The following LSS variants were observed in gnomAD, a reference collection of about 807,000 sequenced individuals.
The protein encoded by LSS is 2,3-epoxysqualene-lanosterol cyclase.
In LSS, 90 loss-of-function variants were observed where a neutral mutation model predicts 110.3. That is an observed-to-expected ratio of 0.82 (90% confidence interval 0.69 to 0.97). The LOEUF (loss-of-function observed/expected upper bound fraction) is 0.97. LSS is among the 50% of genes least tolerant of loss of function. The probability of loss-of-function intolerance (pLI) is 0.00; values close to 1 mark genes in which losing one functional copy is unlikely to be tolerated. For missense variants in LSS, 927 were observed against 990.0 expected (o/e 0.94, Z 0.85); for synonymous variants, 433 against 400.0 (o/e 1.08, Z -0.98).
Position 46,206,625 on chromosome 21 carries a change from C to T in LSS, c.1564+47G>A, listed in dbSNP as rs777090022. The T allele has an allele frequency of 1.1e-4, 168 of 1,523,082 alleles. 2 individuals carry two copies. In the South Asian group the frequency reaches 1.8e-3, roughly 16 times the overall value. 94.3% of individuals were successfully genotyped at this position (1,523,082 alleles called of 1,614,324 possible). A position where few individuals can be genotyped will look rare whatever the true frequency, so the allele number is the denominator to read the frequency against. On this transcript the variant is annotated intron_variant, in intron 16 of 21. Coordinates refer to ENST00000397728, the MANE Select transcript of LSS (RefSeq NM_002340.6). ...GCCCCCAGGTTTGTGTACCACAGTG[C>T]TAGCCAGCCCCGGGTTTGCGCGCCG...
chr21:46,192,593 T>C (rs2079835329), intron 20 of LSS: 1 of 295,684 alleles, frequency 3.4e-6, no homozygotes, highest in Non-Finnish European at 6.5e-6. Context: ...TCCATGTACG[T>C]ATGTCTGTGT....
At chr21:46,192,797 CCTG>C in intron 20 of LSS, 1 of 439,338 alleles carries the variant, frequency 2.3e-6, no homozygotes, top group South Asian at 1.6e-5. Context: ...TGTGCATAGA[CCTG>C]TGTGTACATC....
intron 20 of LSS, chr21:46,192,734 T>C (rs1684152312): frequency 2.2e-6 from 1 of 454,452 alleles, no homozygotes; most frequent in South Asian, 1.5e-5. Flanking sequence ...ACAGATGGGA[T>C]ACTGCGGGTG....
In LSS at chr21:46,195,704, C is replaced by A; in HGVS notation, c.1789G>T (p.Ala597Ser). ...YGTWFGLEAF[A>S]CMGQTYRDGT... is the part of the protein sequence containing the mutation. The stretch of plus-strand genomic sequence containing the variant: ...TCTCGGTAGGTCTGCCCCATACAGG[C>A]GAAGGCCTCCAGGCCAAACCAGGTG... The change falls in exon 19 of 22, where the codon GCC becomes TCC. Residue 597 changes from alanine (A) to serine (S), a missense_variant. Transcript: ENST00000397728. The A allele has an allele frequency of 6.2e-7, 1 of 1,613,712 alleles. No individual in the cohort carries two copies. The highest frequency in any genetic ancestry group is 8.5e-7 in the Non-Finnish European group (1 of 1,179,990).
Position 46,208,243 on chromosome 21 carries a change from C to T in LSS, c.1317+8G>A. 6.4e-7 allele frequency: 1 copy of T among 1,551,976 alleles called. No individual in the cohort carries two copies. The highest frequency in any genetic ancestry group is 1.2e-5 in the South Asian group (1 of 84,066). ...GACGGGACAGGGATGGGGCTGGCTC[C>T]CGCATACCTTGCGCATCTGGCGGTA... is the stretch of plus-strand genomic sequence containing the variant. On this transcript the variant is annotated splice_region_variant and intron_variant, in intron 14 of 21. Transcript: ENST00000397728.
intron 17 of LSS, among the ~76,000 whole-genome samples, chr21:46,205,297 G>A (rs1019525592): frequency 1.8e-5 from 1 of 56,526 alleles, no homozygotes; most frequent in Non-Finnish European, 3.5e-5. Context: ...GCGAGCAGGA[G>A]AGCAGGAGAG....
rs572779568 is a variant in LSS at position 46,190,142 on chromosome 21, A to G, written c.*962T>C. ...CTGCCAGCCAGCCCAGGGAGTGGTG[A>G]TGGGCTGGGTGCTGGCTGTCCCTGC... On this transcript the variant is annotated 3_prime_UTR_variant, in exon 22 of 22. Coordinates refer to ENST00000397728, the MANE Select transcript of LSS (RefSeq NM_002340.6). This position sits in a 1 kb window ranked among gnomAD's most constrained non-coding sequence, Gnocchi z 4.6. 41 of 227,102 alleles carry G rather than the reference A, an allele frequency of 1.8e-4. No homozygotes were observed. The highest frequency in any genetic ancestry group is 3.1e-4 in the South Asian group (6 of 19,586). The allele number at this position is 227,102 out of a possible 1,614,324, so 14.1% of individuals were successfully genotyped here. A position where few individuals can be genotyped will look rare whatever the true frequency, so the allele number is the denominator to read the frequency against.
chr21:46,202,868 C>T (rs1030549037), intron 17 of LSS, among the ~76,000 whole-genome samples: 2 of 152,162 alleles, frequency 1.3e-5, no homozygotes, highest in African/African-American at 4.8e-5. Flanking sequence ...CAGAGTGAGA[C>T]CCTGCTTCAA....
chr21:46,208,783 A>G (rs2080088305), intron 13 of LSS, among the ~76,000 whole-genome samples: 1 of 152,210 alleles, frequency 6.6e-6, no homozygotes, highest in Non-Finnish European at 1.5e-5. Context: ...AGGAGGCAGG[A>G]GCAGGAGCAG....
chr21:46,225,370 T>C (rs1231022426), intron 3 of LSS: 3 of 452,966 alleles, frequency 6.6e-6, no homozygotes, highest in Non-Finnish European at 1.3e-5. Flanking sequence ...AGAGGCCCGT[T>C]GCCAAGCGGA....
intron 15 of LSS, among the ~76,000 whole-genome samples, chr21:46,207,191 C>A (rs1408116413): frequency 6.6e-6 from 1 of 152,368 alleles, no homozygotes; most frequent in South Asian, 2.1e-4. Context: ...CCCCAAGTAT[C>A]GGTGGCTGGG....
chr21:46,208,242 C>A lies in LSS; in HGVS notation c.1317+9G>T. 2 of 1,551,938 alleles carry A rather than the reference C, an allele frequency of 1.3e-6. No individual in the cohort carries two copies. Among genetic ancestry groups the A allele is most frequent in the Non-Finnish European group, 1.7e-6 (2 of 1,147,132 alleles). On this transcript the variant is annotated intron_variant, in intron 14 of 21. Coordinates refer to ENST00000397728, the MANE Select transcript of LSS (RefSeq NM_002340.6). ...GGACGGGACAGGGATGGGGCTGGCT[C>A]CCGCATACCTTGCGCATCTGGCGGT...
rs778635433 is a variant in LSS at position 46,216,560 on chromosome 21, G to T, written c.648-36C>A. ...AGCAGGAGTCAGTGGGAGACCCCAA[G>T]ACTCAAGCCTGCCCCCTCCGCCAGC... On this transcript the variant is annotated intron_variant, in intron 6 of 21. Coordinates refer to ENST00000397728, the MANE Select transcript of LSS (RefSeq NM_002340.6). The surrounding 1 kb of genome is among the most constrained non-coding windows in gnomAD (Gnocchi z 4.2). The T allele has an allele frequency of 6.5e-7, 1 of 1,541,702 alleles. No homozygotes were observed. Among genetic ancestry groups the T allele is most frequent in the Admixed American group, 2.0e-5 (1 of 51,272 alleles).
At chr21:46,194,695 C>T (rs773055142) in intron 19 of LSS, 34 bp from the exon 20 acceptor site, 1 of 1,595,996 alleles carries the variant, frequency 6.3e-7, no homozygotes, top group South Asian at 1.1e-5. Flanking sequence ...CACCATCACA[C>T]CAAGGAAGGT....
chr21:46,219,359 C>A (rs560611563), intron 6 of LSS, 117 bp downstream of exon 6: 53 of 614,218 alleles, frequency 8.6e-5, no homozygotes, highest in Middle Eastern at 2.6e-4. Context: ...ACTCCACCCA[C>A]CCACAGAATG....
Position 46,208,564 on chromosome 21 carries a change from G to C in LSS, c.1267-263C>G, listed in dbSNP as rs1178086552. ...CAGACGGGACTGGGAGTCAGCACCT[G>C]ACTCCCCTGTGATCTCCCCACCGGC... On this transcript the variant is annotated intron_variant, in intron 13 of 21. Coordinates refer to ENST00000397728, the MANE Select transcript of LSS (RefSeq NM_002340.6). Among the ~76,000 whole-genome samples, 6 of 152,182 alleles carry C rather than the reference G, an allele frequency of 3.9e-5. No homozygotes were observed. The South Asian group carries it at 1.2e-3, about 31-fold the overall frequency.
intron 10 of LSS, among the ~76,000 whole-genome samples, chr21:46,213,368 G>A (rs796204670): frequency 2.8e-4 from 42 of 152,322 alleles, no homozygotes; most frequent in African/African-American, 9.4e-4. Context: ...CCTGTACAGC[G>A]GAAGCTTCCC....
At chr21:46,195,444 G>A (rs1379375828) in intron 19 of LSS, among the ~76,000 whole-genome samples, 1 of 152,170 alleles carries the variant, frequency 6.6e-6, no homozygotes, top group African/African-American at 2.4e-5. Context: ...GGGTGGTGGC[G>A]TGCACCTGTG....
At chr21:46,227,731 G>A (rs762251950) in intron 2 of LSS, 41 bp from the exon 3 acceptor site, 1 of 1,608,492 alleles carries the variant, frequency 6.2e-7, no homozygotes, top group Middle Eastern at 1.7e-4. Flanking sequence ...ATAGCTGACG[G>A]GACTGTTGCC....
Sources: allele counts gnomAD v4.1 joint callset (sites outside exome capture counted in the v4.1 genomes callset), GRCh38; gene constraint gnomAD v4.1.1; non-coding constraint Gnocchi (gnomAD v3.1); transcripts MANE v1.5; gene names NCBI Gene and HGNC (gene_info 2026-07-23, HGNC 2026-07-21).